Variants in METTL16 observed in about 807,000 individuals in gnomAD.
METTL16 encodes RNA N(6)-adenosine-methyltransferase METTL16.
METTL16 carries 19 observed loss-of-function variants against 57.9 expected under a neutral mutation model. The observed-to-expected ratio is 0.33, with a 90% CI of 0.23 to 0.48. METTL16 has a LOEUF of 0.48. Ranked by LOEUF, METTL16 falls within the 20% of genes least tolerant of loss-of-function variation. The pLI is 0.99. For missense variants in METTL16, 434 were observed against 691.5 expected (o/e 0.63, Z 4.18); for synonymous variants, 246 against 255.6 (o/e 0.96, Z 0.36).
chr17:2,447,771 G>T (rs1362866020), intron 6 of METTL16, among the ~76,000 whole-genome samples: 25 of 125,692 alleles, frequency 2.0e-4, no homozygotes, highest in Non-Finnish European at 3.7e-4. Flanking sequence ...TCAGCCCCCC[G>T]CCCGGCCAGC....
At chr17:2,432,402 T>C (rs1457305626) in intron 8 of METTL16, among the ~76,000 whole-genome samples, 1 of 152,104 alleles carries the variant, frequency 6.6e-6, no homozygotes, top group Non-Finnish European at 1.5e-5. Flanking sequence ...ACTCTGTCTC[T>C]ATAAAATAAT....
chr17:2,478,052 A>C (rs2067279752), intron 2 of METTL16, among the ~76,000 whole-genome samples, 167 bp from the exon 3 acceptor site: 1 of 152,250 alleles, frequency 6.6e-6, no homozygotes, highest in Non-Finnish European at 1.5e-5. Flanking sequence ...TGTTTCACAC[A>C]GTCACAGCTT....
In METTL16 at chr17:2,436,643, G is replaced by T. The variant is rs560135714; in HGVS notation, c.888+1466C>A. On this transcript the variant is annotated intron_variant, in intron 8 of 9. Transcript: ENST00000263092. ...GAGGGAGCAAAGCAGCAGGTGTCAG[G>T]TCCCCGCACATACTAAGAAAGGAAG... The T allele has an allele frequency of 2.0e-5, 3 of 152,402 alleles. No homozygotes were observed. The South Asian group carries it at 6.2e-4, about 32-fold the overall frequency. 9.4% of individuals were successfully genotyped at this position (152,402 alleles called of 1,614,324 possible).
intron 6 of METTL16, 32 bp downstream of exon 6, chr17:2,464,176 A>G: frequency 6.3e-7 from 1 of 1,597,044 alleles, no homozygotes; most frequent in Non-Finnish European, 8.5e-7. Context: ...TGTGTTGTAA[A>G]GATGGACTCT....
At chr17:2,511,207 T>A (rs1054825285) in intron 1 of METTL16, among the ~76,000 whole-genome samples, 3 of 103,096 alleles carry the variant, frequency 2.9e-5, no homozygotes, top group Non-Finnish European at 6.3e-5. Context: ...ACCCTGAGAA[T>A]GAGGCTTTCC....
At chr17:2,451,631 AAAAG>A (rs1364008958) in intron 6 of METTL16, among the ~76,000 whole-genome samples, 4 of 151,156 alleles carry the variant, frequency 2.6e-5, no homozygotes, top group Admixed American at 2.0e-4. Context: ...CAAAAAAAAA[AAAAG>A]AAAAGAAAAG....
At chr17:2,451,168 A>G (rs1423375432) in intron 6 of METTL16, among the ~76,000 whole-genome samples, 1 of 152,254 alleles carries the variant, frequency 6.6e-6, no homozygotes, top group African/African-American at 2.4e-5. Context: ...AGGTGACCAC[A>G]TCTATTTTTG....
intron 2 of METTL16, among the ~76,000 whole-genome samples, chr17:2,497,469 C>G (rs531796967): frequency 6.6e-5 from 10 of 151,136 alleles, no homozygotes; most frequent in Non-Finnish European, 1.2e-4. Context: ...TATGCCACCA[C>G]GCCCGGCTCA....
At chr17:2,451,230 A>T (rs1318497771) in intron 6 of METTL16, among the ~76,000 whole-genome samples, 1 of 152,222 alleles carries the variant, frequency 6.6e-6, no homozygotes, top group East Asian at 1.9e-4. Flanking sequence ...GTTATAGCTA[A>T]AACACTTTAA....
chr17:2,456,962 A>G (rs1270052352), intron 6 of METTL16, among the ~76,000 whole-genome samples: 1 of 150,096 alleles, frequency 6.7e-6, no homozygotes, highest in African/African-American at 2.5e-5. Flanking sequence ...TTTTTTTTTA[A>G]ATGCCAAAGC....
At chr17:2,500,249 A>G (rs1050404728) in intron 2 of METTL16, among the ~76,000 whole-genome samples, 1 of 151,990 alleles carries the variant, frequency 6.6e-6, no homozygotes, top group African/African-American at 2.4e-5. Flanking sequence ...AAATGCCTCA[A>G]GCCCTATGAT....
chr17:2,505,493 G>A (rs994550835), intron 1 of METTL16, among the ~76,000 whole-genome samples: 7 of 133,766 alleles, frequency 5.2e-5, no homozygotes, highest in Non-Finnish European at 9.2e-5. Flanking sequence ...AAGCAATCCT[G>A]CCACCTCAGC....
chr17:2,424,010 C>T (rs1297574048), intron 8 of METTL16, among the ~76,000 whole-genome samples: 9 of 152,222 alleles, frequency 5.9e-5, no homozygotes, highest in African/African-American at 2.2e-4. Flanking sequence ...CCTTCACCTG[C>T]ATCCTGACCC....
chr17:2,504,924 C>T (rs1036344462), intron 1 of METTL16, among the ~76,000 whole-genome samples: 6 of 152,058 alleles, frequency 3.9e-5, no homozygotes, highest in African/African-American at 1.4e-4. Context: ...TGGTAGTGTA[C>T]CATAACATCA....
intron 8 of METTL16, chr17:2,424,430 A>G (rs1022736561): frequency 4.6e-5 from 7 of 151,972 alleles, no homozygotes; most frequent in African/African-American, 1.7e-4. Flanking sequence ...TATTTTTTAA[A>G]TAGAGAAGGG....
chr17:2,487,827 G>C (rs1412027502), intron 2 of METTL16, among the ~76,000 whole-genome samples: 3 of 151,530 alleles, frequency 2.0e-5, no homozygotes, highest in Admixed American at 6.6e-5. Flanking sequence ...AACAAAAAGA[G>C]ACCCTGTCTC....
At chr17:2,489,111 C>CTTTTTTTTTTTTT (rs11404983) in intron 2 of METTL16, among the ~76,000 whole-genome samples, 3 of 146,324 alleles carry the variant, frequency 2.1e-5, no homozygotes, top group African/African-American at 5.1e-5. Context: ...ACTTTTCATT[C>CTTTTTTTTTTTTT]TTTTTTTTTT....
intron 2 of METTL16, among the ~76,000 whole-genome samples, chr17:2,495,884 G>A (rs997582811): frequency 3.3e-5 from 5 of 151,426 alleles, no homozygotes; most frequent in African/African-American, 7.3e-5. Flanking sequence ...CGAGGCAGGC[G>A]GGTCACTTGA....
At position 2,503,546 on chromosome 17, in the gene METTL16, A is replaced by T. The variant is rs962236518; in HGVS notation, c.1-1215T>A. On this transcript the variant is annotated intron_variant, in intron 1 of 9. Coordinates refer to ENST00000263092, the MANE Select transcript of METTL16 (RefSeq NM_024086.4). ...AATACAGTATATCCATAAAATAAAT[A>T]TGGGTCAATGAAATACAGTATATCC... 1.1e-4 allele frequency among the ~76,000 whole-genome samples: 16 copies of T among 152,094 alleles called. No individual in the cohort carries two copies. In the East Asian group the frequency reaches 2.9e-3, roughly 27 times the overall value.
Sources: gnomAD v4.1 joint callset for allele counts (sites outside exome capture counted in the v4.1 genomes callset) on GRCh38, gnomAD v4.1.1 for gene constraint, MANE v1.5 for transcripts, NCBI Gene and HGNC (gene_info 2026-07-23, HGNC 2026-07-21) for gene names.